PCDH9: variants seen among roughly 807,000 people sequenced by gnomAD.
The protein encoded by PCDH9 is protocadherin-9.
In PCDH9, 24 loss-of-function variants were observed where a neutral mutation model predicts 70.6. The observed-to-expected ratio is 0.34, with a 90% CI of 0.25 to 0.48. PCDH9 has a LOEUF of 0.48. Among genes scored for constraint, PCDH9 ranks in the 20% least tolerant of loss-of-function variants. PCDH9 has a pLI of 0.99. For missense variants in PCDH9, 1,281 were observed against 1,503.6 expected, an observed-to-expected ratio of 0.85 and a Z score of 2.45; for synonymous variants, 562 against 558.5, an observed-to-expected ratio of 1.01 and a Z score of -0.09.
chr13:66,397,712 G>C (rs1474066203), intron 4 of PCDH9, among the ~76,000 whole-genome samples: 1 of 151,152 alleles, frequency 6.6e-6, no homozygotes, highest in Non-Finnish European at 1.5e-5. Context: ...TATGTTCCAT[G>C]TTATCATTGG....
intron 2 of PCDH9, among the ~76,000 whole-genome samples, chr13:66,918,206 T>C (rs1364854874): frequency 1.3e-5 from 2 of 150,892 alleles, no homozygotes; most frequent in East Asian, 1.9e-4. Flanking sequence ...AAGTACAAAA[T>C]AGAGAGGAAG....
At chr13:66,864,026 G>T (rs1033336241) in intron 3 of PCDH9, among the ~76,000 whole-genome samples, 1 of 151,970 alleles carries the variant, frequency 6.6e-6, no homozygotes, top group Non-Finnish European at 1.5e-5. Flanking sequence ...AGTAAAAGGG[G>T]GAAAAGCCCC....
chr13:66,363,807 C>T (rs761054229), intron 4 of PCDH9, among the ~76,000 whole-genome samples: 1 of 151,824 alleles, frequency 6.6e-6, no homozygotes, highest in African/African-American at 2.4e-5. Context: ...ACTACATGAA[C>T]ACACATTGAG....
At chr13:66,946,013 G>A (rs753413213) in intron 2 of PCDH9, among the ~76,000 whole-genome samples, 1 of 152,078 alleles carries the variant, frequency 6.6e-6, no homozygotes, top group Non-Finnish European at 1.5e-5. Context: ...TTCAGGTATT[G>A]TAACATTTCC....
chr13:67,127,364 C>A (rs1386382335), intron 2 of PCDH9, among the ~76,000 whole-genome samples: 1 of 152,114 alleles, frequency 6.6e-6, no homozygotes, highest in Non-Finnish European at 1.5e-5. Context: ...TCTCTAATTA[C>A]ATTGCAGGGA....
intron 2 of PCDH9, among the ~76,000 whole-genome samples, chr13:66,944,261 GCAA>G (rs1194326101): frequency 6.6e-6 from 1 of 151,890 alleles, no homozygotes; most frequent in Non-Finnish European, 1.5e-5. Flanking sequence ...TTTCTTTAAT[GCAA>G]CTATCTATTT....
chr13:66,680,321 T>C (rs1240025515), intron 3 of PCDH9, among the ~76,000 whole-genome samples: 1 of 152,026 alleles, frequency 6.6e-6, no homozygotes, highest in East Asian at 1.9e-4. Context: ...TTTCCTTTCA[T>C]TGAAGAAAGA....
intron 2 of PCDH9, among the ~76,000 whole-genome samples, chr13:67,029,543 A>G (rs1268526196): frequency 6.6e-6 from 1 of 152,100 alleles, no homozygotes; most frequent in African/African-American, 2.4e-5. Context: ...ATATATCCCT[A>G]TGTTCCCTAG....
intron 3 of PCDH9, among the ~76,000 whole-genome samples, chr13:66,701,727 C>G (rs2078650487): frequency 1.3e-5 from 2 of 152,004 alleles, no homozygotes; most frequent in Admixed American, 1.3e-4. Context: ...TCATAGACTT[C>G]TGTAAGTTGA....
intron 3 of PCDH9, among the ~76,000 whole-genome samples, chr13:66,855,189 T>C (rs1426875880): frequency 6.6e-6 from 1 of 152,132 alleles, no homozygotes; most frequent in South Asian, 2.1e-4. Flanking sequence ...GACTTGTCTG[T>C]GCCCTTGGAT....
At chr13:67,087,087 TAAAAAAAAAAA>T (rs36017495) in intron 2 of PCDH9, among the ~76,000 whole-genome samples, 1 of 123,786 alleles carries the variant, frequency 8.1e-6, no homozygotes, top group Non-Finnish European at 1.7e-5. Context: ...TGATGTTTTG[TAAAAAAAAAAA>T]AAAAAAAAAA....
intron 3 of PCDH9, among the ~76,000 whole-genome samples, chr13:66,846,560 G>C (rs2081214034): frequency 6.6e-6 from 1 of 152,000 alleles, no homozygotes; most frequent in Non-Finnish European, 1.5e-5. Context: ...TCTTGTGAGA[G>C]TTATTACATT....
At chr13:66,779,877 G>GTGTGTA in intron 3 of PCDH9, among the ~76,000 whole-genome samples, 1 of 114,912 alleles carries the variant, frequency 8.7e-6, no homozygotes, top group East Asian at 2.4e-4. Context: ...ACATATATGT[G>GTGTGTA]TGTGTGTGTG....
At chr13:66,996,400 A>G (rs559850359) in intron 2 of PCDH9, 4 of 152,294 alleles carry the variant, frequency 2.6e-5, no homozygotes, top group African/African-American at 9.6e-5. Flanking sequence ...TGAGTTCTTC[A>G]TGCTGGGAAT....
chr13:67,225,574 A>G lies in PCDH9; in HGVS notation c.2867T>C (p.Val956Ala), dbSNP rs2138135140. ...AATCACGTGGTGCTTTTTCACGGAA[A>G]CTGGAGTGTCTGGTTTGAGATGAAA... ...PAFHLKPDTP[V>A]SVKKHHVIQE... Residue 956 changes from valine to alanine, a missense_variant, in exon 2 of 5, where the codon GTT (valine) becomes GCT (alanine). Physicochemically the swap from Val to Ala is moderately conservative, Grantham distance 64. Around this residue, in one of 4 missense-constraint regions of PCDH9, gnomAD observed 207 missense variants for 191.8 expected, o/e 1.08. Transcript: ENST00000377865. 6.2e-7 allele frequency: 1 copy of G among 1,614,126 alleles called. No individual in the cohort carries two copies. The highest frequency in any genetic ancestry group is 8.5e-7 in the Non-Finnish European group (1 of 1,180,024).
chr13:67,161,737 G>A (rs1284508320), intron 2 of PCDH9, among the ~76,000 whole-genome samples: 1 of 152,174 alleles, frequency 6.6e-6, no homozygotes. Flanking sequence ...AATGTGAGCA[G>A]GGAGAGGGAA....
At chr13:67,037,912 A>G (rs966766930) in intron 2 of PCDH9, among the ~76,000 whole-genome samples, 1 of 152,216 alleles carries the variant, frequency 6.6e-6, no homozygotes, top group Admixed American at 6.6e-5. Flanking sequence ...TTTACTCTAT[A>G]AGAACCTGGA....
intron 2 of PCDH9, among the ~76,000 whole-genome samples, chr13:66,963,767 C>T (rs886323268): frequency 1.1e-4 from 17 of 152,232 alleles, no homozygotes; most frequent in African/African-American, 3.8e-4. Flanking sequence ...TAATAAAAAA[C>T]AAAATTTAAT....
intron 4 of PCDH9, among the ~76,000 whole-genome samples, chr13:66,328,348 C>G (rs554184117): frequency 6.6e-6 from 1 of 152,106 alleles, no homozygotes; most frequent in Non-Finnish European, 1.5e-5. Context: ...TAACGATTAC[C>G]TTGACACCAC....
Sources: allele counts gnomAD v4.1 joint callset (sites outside exome capture counted in the v4.1 genomes callset), GRCh38; gene constraint gnomAD v4.1.1; regional missense constraint gnomAD v4.1.1; transcripts MANE v1.5; gene names NCBI Gene and HGNC (gene_info 2026-07-23, HGNC 2026-07-21).